PRKG1: variants seen among roughly 807,000 people sequenced by gnomAD.
The protein encoded by PRKG1 is protein kinase cGMP-dependent 1.
In PRKG1, 35 loss-of-function variants were observed where a neutral mutation model predicts 88.1. The observed-to-expected ratio is 0.40, with a 90% CI of 0.30 to 0.53. PRKG1 has a LOEUF of 0.53. Ranked by LOEUF, PRKG1 falls within the 20% of genes least tolerant of loss-of-function variation. The pLI is 0.59. For missense variants in PRKG1, 540 were observed against 839.8 expected, an observed-to-expected ratio of 0.64 and a Z score of 4.41; for synonymous variants, 303 against 292.5, an observed-to-expected ratio of 1.04 and a Z score of -0.37.
At chr10:51,665,479 A>G (rs940741065) in intron 3 of PRKG1, among the ~76,000 whole-genome samples, 2 of 152,134 alleles carry the variant, frequency 1.3e-5, no homozygotes, top group African/African-American at 2.4e-5. Flanking sequence ...TCAGTAAACT[A>G]TTATCCACCC....
chr10:51,390,649 T>C (rs757928124), intron 2 of PRKG1, among the ~76,000 whole-genome samples: 4 of 152,212 alleles, frequency 2.6e-5, no homozygotes, highest in Non-Finnish European at 5.9e-5. Flanking sequence ...GGTATTTACT[T>C]TCTTAAGGTG....
intron 4 of PRKG1, among the ~76,000 whole-genome samples, chr10:51,823,603 CA>C (rs35270011): frequency 0.092 from 13,926 of 151,900 alleles, 691 homozygotes; most frequent in African/African-American, 0.11. Context: ...AGAATTCATC[CA>C]TGAATTTATC....
intron 3 of PRKG1, among the ~76,000 whole-genome samples, chr10:51,725,928 C>T (rs61077169): frequency 0.089 from 13,577 of 152,122 alleles, 733 homozygotes; most frequent in African/African-American, 0.14. Context: ...CATGAGCCAC[C>T]GTGCCTGGCC....
chr10:51,847,996 G>C (rs1017528282), intron 4 of PRKG1, among the ~76,000 whole-genome samples: 2 of 150,270 alleles, frequency 1.3e-5, no homozygotes, highest in African/African-American at 4.9e-5. Context: ...TTTACTACTT[G>C]CCTACCTCTG....
chr10:51,582,836 C>A (rs1031428203), intron 3 of PRKG1, among the ~76,000 whole-genome samples: 1 of 151,920 alleles, frequency 6.6e-6, no homozygotes, highest in African/African-American at 2.4e-5. Flanking sequence ...GGGATTTTTA[C>A]CATATTGAGT....
intron 3 of PRKG1, among the ~76,000 whole-genome samples, chr10:51,780,077 T>C (rs1314086214): frequency 6.6e-6 from 1 of 152,152 alleles, no homozygotes; most frequent in African/African-American, 2.4e-5. Context: ...TAATCTGTTC[T>C]TTTAGTTACA....
intron 1 of PRKG1, among the ~76,000 whole-genome samples, chr10:51,133,232 A>G (rs1442071773): frequency 6.6e-6 from 1 of 152,172 alleles, no homozygotes. Context: ...CCAATCCCAT[A>G]AGCACTCCAG....
intron 2 of PRKG1, among the ~76,000 whole-genome samples, chr10:51,242,330 G>A (rs1422440235): frequency 6.6e-6 from 1 of 152,162 alleles, no homozygotes; most frequent in East Asian, 1.9e-4. Context: ...GCCCCTCTAG[G>A]ATAACAAGTC....
At chr10:52,249,019 TCC>T in intron 9 of PRKG1, among the ~76,000 whole-genome samples, 1 of 20,994 alleles carries the variant, frequency 4.8e-5, no homozygotes, top group South Asian at 7.4e-3. Context: ...CCTCCTTCCC[TCC>T]CCTTCCCTCC....
intron 6 of PRKG1, among the ~76,000 whole-genome samples, chr10:52,058,475 G>T (rs1264251557): frequency 6.6e-6 from 1 of 151,912 alleles, no homozygotes; most frequent in South Asian, 2.1e-4. Context: ...GAATGTTCTT[G>T]CCCTGATAAG....
intron 3 of PRKG1, among the ~76,000 whole-genome samples, chr10:51,743,959 GT>G (rs1363206495): frequency 6.6e-6 from 1 of 151,180 alleles, no homozygotes; most frequent in Non-Finnish European, 1.5e-5. Flanking sequence ...TCAACAGGTT[GT>G]TTTAATTAAC....
chr10:51,631,300 A>G lies in PRKG1; in HGVS notation c.592+163464A>G, dbSNP rs374629604. On this transcript the variant is annotated intron_variant, in intron 3 of 17. Coordinates refer to ENST00000373980, the MANE Select transcript of PRKG1 (RefSeq NM_006258.4). ...TGTGGGCTTACCAAAACTCTGACTGAGACAAATGTGCAGTGCAGGGAAAGA... is the reference window on the plus strand; with the variant it reads ...TGTGGGCTTACCAAAACTCTGACTGGGACAAATGTGCAGTGCAGGGAAAGA... 1.1e-3 allele frequency among the ~76,000 whole-genome samples: 167 copies of G among 152,310 alleles called. 1 individual carries two copies. In the South Asian group the frequency reaches 0.034, roughly 31 times the overall value.
intron 5 of PRKG1, among the ~76,000 whole-genome samples, chr10:51,913,424 C>T (rs949966812): frequency 1.2e-4 from 19 of 152,290 alleles, no homozygotes; most frequent in African/African-American, 4.6e-4. Flanking sequence ...TGTCCATGTG[C>T]ACTCAATGTT....
intron 1 of PRKG1, among the ~76,000 whole-genome samples, chr10:51,053,570 A>G (rs1843592053): frequency 6.6e-6 from 1 of 152,128 alleles, no homozygotes; most frequent in Non-Finnish European, 1.5e-5. Flanking sequence ...TGCCAATTTG[A>G]TTATGGATAA....
At chr10:52,124,037 T>G (rs1279398933) in intron 7 of PRKG1, among the ~76,000 whole-genome samples, 3 of 152,172 alleles carry the variant, frequency 2.0e-5, no homozygotes, top group African/African-American at 7.2e-5. Context: ...ATCTGATAAC[T>G]GAGATGGCTA....
chr10:51,868,360 C>A (rs1458303358), intron 4 of PRKG1, among the ~76,000 whole-genome samples: 1 of 151,958 alleles, frequency 6.6e-6, no homozygotes, highest in Admixed American at 6.6e-5. Flanking sequence ...GGCCTTCTTA[C>A]AAAATGGCTT....
At chr10:51,987,121 T>C (rs1216505812) in intron 5 of PRKG1, among the ~76,000 whole-genome samples, 1 of 152,152 alleles carries the variant, frequency 6.6e-6, no homozygotes. Context: ...ATTTGAAAAT[T>C]ACAGATTCTA....
At chr10:51,208,312 C>T (rs1838116859) in intron 2 of PRKG1, among the ~76,000 whole-genome samples, 1 of 152,042 alleles carries the variant, frequency 6.6e-6, no homozygotes, top group African/African-American at 2.4e-5. Flanking sequence ...TTTGGTAATT[C>T]CAATATGGTA....
chr10:51,600,069 T>C (rs1838557962), intron 3 of PRKG1, among the ~76,000 whole-genome samples: 1 of 152,208 alleles, frequency 6.6e-6, no homozygotes, highest in Non-Finnish European at 1.5e-5. Flanking sequence ...TTTCATAATG[T>C]TAGATGAACT....
Sources: allele counts gnomAD v4.1 joint callset (sites outside exome capture counted in the v4.1 genomes callset), GRCh38; gene constraint gnomAD v4.1.1; transcripts MANE v1.5; gene names NCBI Gene and HGNC (gene_info 2026-07-23, HGNC 2026-07-21).